Variants in FAM133B observed in about 807,000 individuals in gnomAD.
FAM133B encodes the protein family with sequence similarity 133 member B, also known as protein FAM133B.
Under a neutral mutation model 46.4 loss-of-function variants are expected in FAM133B, and 25 were observed. The observed-to-expected ratio is 0.54, with a 90% CI of 0.39 to 0.75. FAM133B has a LOEUF of 0.75. Among genes scored for constraint, FAM133B ranks in the 30% least tolerant of loss-of-function variants. FAM133B has a pLI of 0.00. For synonymous variants in FAM133B, 75 were observed against 86.0 expected (o/e 0.87, Z 0.71); for missense variants, 205 against 277.6 (o/e 0.74, Z 1.86).
intron 8 of FAM133B, 102 bp from the exon 9 acceptor site, chr7:92,570,017 ATTT>A (rs1794480647): frequency 2.1e-6 from 1 of 476,688 alleles, no homozygotes; most frequent in Admixed American, 4.5e-5. Flanking sequence ...ATAATTACCC[ATTT>A]TTATTTTAGA....
At chr7:92,582,967 A>G (rs1378957669) in intron 1 of FAM133B, among the ~76,000 whole-genome samples, 1 of 152,214 alleles carries the variant, frequency 6.6e-6, no homozygotes, top group East Asian at 1.9e-4. Flanking sequence ...ACATGATCCT[A>G]TATCTAGGTA....
intron 2 of FAM133B, 81 bp downstream of exon 2, chr7:92,581,425 A>G: frequency 8.6e-7 from 1 of 1,167,898 alleles, no homozygotes; most frequent in Non-Finnish European, 1.2e-6. Context: ...CTTGGTAATC[A>G]ATAAAATCAA....
At chr7:92,575,250 C>T (rs934383005) in intron 8 of FAM133B, among the ~76,000 whole-genome samples, 5 of 152,062 alleles carry the variant, frequency 3.3e-5, no homozygotes, top group African/African-American at 9.7e-5. Context: ...CCGAGGCAGG[C>T]GCATCACCTG....
Position 92,581,065 on chromosome 7 carries a change from G to A in FAM133B, c.122+441C>T, listed in dbSNP as rs566772234. On this transcript the variant is annotated intron_variant, in intron 2 of 10. Coordinates refer to ENST00000445716, the MANE Select transcript of FAM133B (RefSeq NM_152789.4). ...AGGAAGACATACTAAAGAATAACAT[G>A]GCCCATACTCTGATGCTTTATTTAC... Among the ~76,000 whole-genome samples, 5 of 152,308 alleles carry A rather than the reference G, an allele frequency of 3.3e-5. No individual in the cohort carries two copies. In the East Asian group the frequency reaches 9.6e-4, roughly 29 times the overall value.
At chr7:92,582,532 T>G (rs556452229) in intron 1 of FAM133B, among the ~76,000 whole-genome samples, 2 of 152,280 alleles carry the variant, frequency 1.3e-5, no homozygotes, top group South Asian at 4.1e-4. Flanking sequence ...CAAAGGACAC[T>G]GTTAAGAGTG....
chr7:92,577,583 A>C, intron 6 of FAM133B, 72 bp downstream of exon 6: 2 of 1,279,256 alleles, frequency 1.6e-6, no homozygotes, highest in Non-Finnish European at 2.1e-6. Flanking sequence ...CAGATATTTC[A>C]CAATGGGTTT....
chr7:92,571,318 C>T lies in FAM133B; in HGVS notation c.517-1403G>A, dbSNP rs186028293. ...CAGTTTGTGTTTTCTTTTAGAATTG[C>T]CTAAACGTATATTTGCCAATTTGTC... On this transcript the variant is annotated intron_variant, in intron 8 of 10. Transcript: ENST00000445716. Among the ~76,000 whole-genome samples, 443 of 152,234 alleles carry T rather than the reference C, an allele frequency of 2.9e-3. 5 individuals carry two copies. Among genetic ancestry groups the T allele is most frequent in the African/African-American group, 0.01 (432 of 41,564 alleles).
chr7:92,590,331 C>G lies in FAM133B; in HGVS notation c.-40G>C. On this transcript the variant is annotated 5_prime_UTR_variant, in exon 1 of 11. Coordinates refer to ENST00000445716, the MANE Select transcript of FAM133B (RefSeq NM_152789.4). ...CGCACAGTAGCACGCCGAGGGAAAC[C>G]GGGCCGGAGAGACTGCCGAAGAGGG... The G allele has an allele frequency of 1.9e-6, 3 of 1,613,180 alleles. No individual in the cohort carries two copies. The highest frequency in any genetic ancestry group is 2.5e-6 in the Non-Finnish European group (3 of 1,179,592).
At position 92,575,761 on chromosome 7, in the gene FAM133B, G is replaced by A. The variant is rs1187112457; in HGVS notation, c.516+10C>T. 7.4e-7 allele frequency: 1 copy of A among 1,347,302 alleles called. No individual in the cohort carries two copies. The highest frequency in any genetic ancestry group is 1.4e-5 in the African/African-American group (1 of 69,520). The allele number at this position is 1,347,302 out of a possible 1,614,324, so 83.5% of individuals were successfully genotyped here. A position where few individuals can be genotyped will look rare whatever the true frequency, so the allele number is the denominator to read the frequency against. On this transcript the variant is annotated intron_variant, in intron 8 of 10. Coordinates refer to ENST00000445716, the MANE Select transcript of FAM133B (RefSeq NM_152789.4). ...CAGACTATCTTAAGGCAATGTAAAA[G>A]TATAGTTACCTTTTCTTTCTCAGTT...
chr7:92,577,512 A>T, intron 6 of FAM133B, 143 bp downstream of exon 6: 2 of 560,030 alleles, frequency 3.6e-6, no homozygotes, highest in Admixed American at 3.8e-5. Flanking sequence ...GTTACCACTC[A>T]CTCATGTTAG....
At chr7:92,587,689 G>A (rs1795074962) in intron 1 of FAM133B, among the ~76,000 whole-genome samples, 1 of 152,122 alleles carries the variant, frequency 6.6e-6, no homozygotes, top group African/African-American at 2.4e-5. Context: ...AGCCATGATG[G>A]CGACACTGCA....
At chr7:92,589,800 G>T (rs1795138477) in intron 1 of FAM133B, 1 of 159,982 alleles carries the variant, frequency 6.3e-6, no homozygotes, top group Admixed American at 6.4e-5. Context: ...CCGGCACAGG[G>T]ACCGCGTCGA....
chr7:92,585,807 A>G (rs139824946), intron 1 of FAM133B, among the ~76,000 whole-genome samples: 35 of 152,340 alleles, frequency 2.3e-4, no homozygotes, highest in African/African-American at 8.4e-4. Context: ...GATTACCTTT[A>G]TAAAACAAAA....
intron 10 of FAM133B, among the ~76,000 whole-genome samples, chr7:92,564,262 T>A (rs953357470): frequency 6.6e-6 from 1 of 152,186 alleles, no homozygotes; most frequent in Non-Finnish European, 1.5e-5. Flanking sequence ...TAAATCAGAT[T>A]TCAGCTTAAT....
Position 92,579,590 on chromosome 7 carries a change from T to A in FAM133B, c.123-195A>T, listed in dbSNP as rs559049443. Among the ~76,000 whole-genome samples the A allele has an allele frequency of 3.3e-5, 5 of 152,344 alleles. No individual in the cohort carries two copies. The East Asian group carries it at 7.7e-4, about 23-fold the overall frequency. On this transcript the variant is annotated intron_variant, in intron 2 of 10. Transcript: ENST00000445716. ...AATAAAGCTAAATAAATAACACTAATCACTCCTTTTCTAAATATGGATTAT... is the reference window on the plus strand; with the variant it reads ...AATAAAGCTAAATAAATAACACTAAACACTCCTTTTCTAAATATGGATTAT...
intron 8 of FAM133B, among the ~76,000 whole-genome samples, chr7:92,574,211 C>T (rs959990207): frequency 2.0e-5 from 3 of 152,070 alleles, no homozygotes; most frequent in African/African-American, 7.2e-5. Flanking sequence ...TGGCGAAATC[C>T]GCCACACACA....
intron 1 of FAM133B, chr7:92,589,957 C>T: frequency 6.4e-6 from 3 of 466,508 alleles, no homozygotes; most frequent in Admixed American, 3.7e-5. Context: ...GGGGGTTCCC[C>T]GAGCCCTCGC....
chr7:92,567,200 G>C (rs1198331339), intron 9 of FAM133B, among the ~76,000 whole-genome samples: 1 of 152,308 alleles, frequency 6.6e-6, no homozygotes, highest in South Asian at 2.1e-4. Flanking sequence ...CTGGGCGATA[G>C]AGCAAGAACC....
At chr7:92,587,405 G>A (rs114900976) in intron 1 of FAM133B, among the ~76,000 whole-genome samples, 1,902 of 152,262 alleles carry the variant, frequency 0.012, 34 homozygotes, top group African/African-American at 0.043. Flanking sequence ...TAGAGGAATG[G>A]CTAGGCCGAA....
Sources: allele counts gnomAD v4.1 joint callset (sites outside exome capture counted in the v4.1 genomes callset), GRCh38; gene constraint gnomAD v4.1.1; transcripts MANE v1.5; gene names NCBI Gene and HGNC (gene_info 2026-07-23, HGNC 2026-07-21).